KIAA0825: variants seen among roughly 807,000 people sequenced by gnomAD.
The protein encoded by KIAA0825 is uncharacterized protein KIAA0825.
In KIAA0825, 119 loss-of-function variants were observed where a neutral mutation model predicts 147.6. That is an observed-to-expected ratio of 0.81 (90% CI 0.69 to 0.94). KIAA0825 has a LOEUF of 0.94. Among genes scored for constraint, KIAA0825 ranks in the 40% least tolerant of loss-of-function variants. KIAA0825 has a pLI of 0.00. For missense variants in KIAA0825, 1,381 were observed against 1,472.7 expected (o/e 0.94, Z 1.02); for synonymous variants, 470 against 518.1 (o/e 0.91, Z 1.26).
At chr5:94,343,972 A>G (rs943439827) in intron 20 of KIAA0825, among the ~76,000 whole-genome samples, 1 of 152,228 alleles carries the variant, frequency 6.6e-6, no homozygotes, top group Non-Finnish European at 1.5e-5. Flanking sequence ...TGCACTAGGA[A>G]GGATATGATG....
intron 20 of KIAA0825, among the ~76,000 whole-genome samples, chr5:94,356,579 C>G (rs1784287064): frequency 6.6e-6 from 1 of 151,380 alleles, no homozygotes; most frequent in African/African-American, 2.4e-5. Flanking sequence ...CCACCGGACT[C>G]CAGCCTGGGC....
chr5:94,479,672 C>T (rs1380120371), intron 6 of KIAA0825, among the ~76,000 whole-genome samples: 1 of 152,074 alleles, frequency 6.6e-6, no homozygotes, highest in Non-Finnish European at 1.5e-5. Flanking sequence ...AAGATACTGC[C>T]AAACTGTCTT....
intron 12 of KIAA0825, among the ~76,000 whole-genome samples, chr5:94,461,471 T>A (rs1759823932): frequency 6.6e-6 from 1 of 151,980 alleles, no homozygotes; most frequent in Non-Finnish European, 1.5e-5. Flanking sequence ...TGATTTATCT[T>A]ACAGTTTCTT....
intron 5 of KIAA0825, among the ~76,000 whole-genome samples, chr5:94,500,563 G>A (rs1764949809): frequency 6.6e-6 from 1 of 152,110 alleles, no homozygotes; most frequent in Non-Finnish European, 1.5e-5. Flanking sequence ...GAATGGTGAG[G>A]AGTTCTGGTT....
chr5:94,412,816 G>T (rs915465754), intron 15 of KIAA0825, among the ~76,000 whole-genome samples: 1 of 152,136 alleles, frequency 6.6e-6, no homozygotes, highest in Non-Finnish European at 1.5e-5. Flanking sequence ...ACATGGGTTT[G>T]AACTGCACAG....
chr5:94,351,467 A>G (rs1226166515), intron 20 of KIAA0825, among the ~76,000 whole-genome samples: 2 of 152,230 alleles, frequency 1.3e-5, no homozygotes, highest in Non-Finnish European at 2.9e-5. Context: ...AACACATCCC[A>G]TGCTCATAGA....
intron 14 of KIAA0825, among the ~76,000 whole-genome samples, chr5:94,425,484 A>C (rs978311750): frequency 6.6e-6 from 1 of 152,164 alleles, no homozygotes; most frequent in Admixed American, 6.6e-5. Context: ...CATGTCTATA[A>C]TGCCAAAGCT....
intron 1 of KIAA0825, among the ~76,000 whole-genome samples, chr5:94,604,134 C>A (rs1464600254): frequency 1.3e-5 from 2 of 152,238 alleles, no homozygotes; most frequent in Admixed American, 1.3e-4. Flanking sequence ...ACATTCTTCT[C>A]ATTGCCACAT....
intron 20 of KIAA0825, among the ~76,000 whole-genome samples, chr5:94,223,735 T>A: frequency 6.6e-6 from 1 of 152,298 alleles, no homozygotes; most frequent in East Asian, 1.9e-4. Context: ...ATTAAAGATG[T>A]CTTCTTTAAT....
chr5:94,340,319 A>G (rs528532200), intron 20 of KIAA0825, among the ~76,000 whole-genome samples: 3 of 152,254 alleles, frequency 2.0e-5, no homozygotes, highest in Admixed American at 2.0e-4. Context: ...AAAAGTCGGT[A>G]CATGTTTAGT....
At chr5:94,342,021 G>A (rs1050168284) in intron 20 of KIAA0825, among the ~76,000 whole-genome samples, 3 of 151,904 alleles carry the variant, frequency 2.0e-5, no homozygotes, top group African/African-American at 7.3e-5. Flanking sequence ...GTGAAACCCC[G>A]TCTCTACTAA....
At chr5:94,306,699 T>C (rs181019492) in intron 20 of KIAA0825, among the ~76,000 whole-genome samples, 1 of 151,892 alleles carries the variant, frequency 6.6e-6, no homozygotes, top group African/African-American at 2.4e-5. Context: ...TAGAGGGAAA[T>C]TATCAAAGAT....
chr5:94,191,349 TA>T (rs1481859438), intron 20 of KIAA0825, among the ~76,000 whole-genome samples: 6 of 152,270 alleles, frequency 3.9e-5, no homozygotes, highest in Admixed American at 1.3e-4. Flanking sequence ...TTTGGGTGAT[TA>T]GGGGCAGGAC....
chr5:94,598,559 T>C (rs1785725910), intron 1 of KIAA0825, among the ~76,000 whole-genome samples: 2 of 152,276 alleles, frequency 1.3e-5, no homozygotes, highest in African/African-American at 2.4e-5. Flanking sequence ...TATGCTAAAA[T>C]AATAATGAAA....
chr5:94,358,821 T>C (rs1310540410), intron 20 of KIAA0825, among the ~76,000 whole-genome samples: 1 of 152,226 alleles, frequency 6.6e-6, no homozygotes, highest in African/African-American at 2.4e-5. Flanking sequence ...TCTGAAATTA[T>C]TATGTTTACA....
intron 20 of KIAA0825, among the ~76,000 whole-genome samples, chr5:94,183,340 C>T (rs2149982417): frequency 6.6e-6 from 1 of 152,190 alleles, no homozygotes; most frequent in South Asian, 2.1e-4. Context: ...CTCCTAAAAC[C>T]CTTGTAATTT....
chr5:94,312,336 G>A (rs942204780), intron 20 of KIAA0825, among the ~76,000 whole-genome samples: 1 of 151,562 alleles, frequency 6.6e-6, no homozygotes, highest in Non-Finnish European at 1.5e-5. Context: ...TATAGCTTAT[G>A]AAATTCCCAA....
At chr5:94,265,540 T>C (rs1487182257) in intron 20 of KIAA0825, among the ~76,000 whole-genome samples, 1 of 152,178 alleles carries the variant, frequency 6.6e-6, no homozygotes, top group African/African-American at 2.4e-5. Flanking sequence ...GGCTTACACC[T>C]GCAATCCCAA....
chr5:94,491,443 A>G (rs996017205), intron 5 of KIAA0825, among the ~76,000 whole-genome samples: 3 of 152,160 alleles, frequency 2.0e-5, no homozygotes, highest in African/African-American at 7.2e-5. Flanking sequence ...AGCCCACTAA[A>G]TGGATAGCAG....
Sources: gnomAD v4.1 joint callset for allele counts (sites outside exome capture counted in the v4.1 genomes callset) on GRCh38, gnomAD v4.1.1 for gene constraint, MANE v1.5 for transcripts, NCBI Gene and HGNC (gene_info 2026-07-23, HGNC 2026-07-21) for gene names.